The following TOE1 variants were observed in gnomAD, a reference collection of about 807,000 sequenced individuals.
TOE1 encodes target of EGR1, exonuclease, also known as target of EGR1 protein 1.
In TOE1, 50 loss-of-function variants were observed where a neutral mutation model predicts 49.2. That is an observed-to-expected ratio of 1.02 (90% CI 0.81 to 1.29). TOE1 has a LOEUF of 1.29. TOE1 is among the 50% of genes most tolerant of loss of function. The pLI is 0.00. For synonymous variants in TOE1, 221 were observed against 247.0 expected (o/e 0.89, Z 0.99); for missense variants, 544 against 654.4 (o/e 0.83, Z 1.84).
chr1:45,343,189 A>G lies in TOE1; in HGVS notation c.1020A>G (p.Arg340=), dbSNP rs765278404. ...CAGAGGACAAGCGGCGACGGCGACG[A>G]CGTAGGGAAAAACGGAAGAGGGCTT... ...AAAEDKRRRR[R]RREKRKRALL... Residue 340 remains arginine (R), a synonymous_variant, in exon 8 of 8, where the codon CGA becomes CGG. Transcript: ENST00000372090. The surrounding 1 kb of genome is among the most constrained non-coding windows in gnomAD (Gnocchi z 4.3). The G allele has an allele frequency of 5.6e-6, 9 of 1,613,710 alleles. No individual in the cohort carries two copies. Among genetic ancestry groups the G allele is most frequent in the Non-Finnish European group, 7.6e-6 (9 of 1,179,972 alleles).
rs758152987 is a variant in TOE1, at chr1:45,343,072, C to G, written c.913-10C>G. 1 of 1,613,180 alleles carries G rather than the reference C, an allele frequency of 6.2e-7. No homozygotes were observed. The highest frequency in any genetic ancestry group is 8.5e-7 in the Non-Finnish European group (1 of 1,179,506). On this transcript the variant is annotated splice_polypyrimidine_tract_variant and intron_variant, in intron 7 of 7. Transcript: ENST00000372090. This position sits in a 1 kb window ranked among gnomAD's most constrained non-coding sequence, Gnocchi z 4.3. ...TGGAGCCTCTTTCTAAGCCTCTTTC[C>G]CACCCCTAGGCTTATGGCTGGTGCC...
intron 5 of TOE1, 75 bp downstream of exon 5, chr1:45,342,182 C>G: frequency 6.4e-7 from 1 of 1,570,594 alleles, no homozygotes; most frequent in Non-Finnish European, 8.7e-7. Context: ...GGCTGGATGT[C>G]TGGGGAGAAT....
intron 5 of TOE1, 66 bp downstream of exon 5, chr1:45,342,173 G>T (rs1329429674): frequency 5.7e-6 from 9 of 1,578,964 alleles, no homozygotes; most frequent in Non-Finnish European, 7.8e-6. Context: ...CCTACCCTAG[G>T]CTGGATGTCT....
At chr1:45,340,926 T>G in intron 1 of TOE1, 147 bp from the exon 2 acceptor site, 7 of 1,154,094 alleles carry the variant, frequency 6.1e-6, no homozygotes, top group Non-Finnish European at 8.8e-6. Context: ...AAGGCCTGTG[T>G]GTAGAACACG....
At position 45,342,500 on chromosome 1, in the gene TOE1, C is replaced by T. The variant is rs3748647; in HGVS notation, c.609C>T (p.Phe203=). Residue 203 remains phenylalanine, a synonymous_variant, in exon 6 of 8, where the codon TTC becomes TTT. Coordinates refer to ENST00000372090, the MANE Select transcript of TOE1 (RefSeq NM_025077.4). Reference sequence around the variant, plus strand: ...ACTTGGTGTTCCTGTACCAGAACTTCTATGCACACCTCCCTGAGAGTCTGG... The same window carrying T: ...ACTTGGTGTTCCTGTACCAGAACTTTTATGCACACCTCCCTGAGAGTCTGG... ...LIDLVFLYQN[F]YAHLPESLGT... 51 of 1,614,062 alleles carry T rather than the reference C, an allele frequency of 3.2e-5. No individual in the cohort carries two copies. In the East Asian group the frequency reaches 1.1e-3, roughly 35 times the overall value.
intron 4 of TOE1, 54 bp from the exon 5 acceptor site, chr1:45,341,895 C>T: frequency 2.5e-6 from 4 of 1,579,036 alleles, no homozygotes; most frequent in Non-Finnish European, 3.5e-6. Flanking sequence ...GCTTTTGCAT[C>T]CTCCTAGCTT....
chr1:45,340,423 T>C (rs1570596176), intron 1 of TOE1, 119 bp downstream of exon 1: 1 of 1,529,020 alleles, frequency 6.5e-7, no homozygotes, highest in East Asian at 2.5e-5. Flanking sequence ...CCGCCTGAAC[T>C]AGCCACGAGG....
rs747836131 is a variant in TOE1, at chr1:45,342,085, C to T, written c.470C>T (p.Pro157Leu). ...NFNQQYAQGIPYHKGNDKGDE... is the reference protein window; with the variant it reads ...NFNQQYAQGILYHKGNDKGDE... The stretch of plus-strand genomic sequence containing the variant: ...AACCAGCAGTATGCCCAAGGCATCC[C>T]CTACCATAAGGGCAATGACAAGGTA... The change falls in exon 5 of 8, where the codon CCC becomes CTC. Residue 157 changes from proline to leucine, a missense_variant. By Grantham distance (98) the Pro-to-Leu change is moderately conservative (BLOSUM62 -3). Coordinates refer to ENST00000372090, the MANE Select transcript of TOE1 (RefSeq NM_025077.4). 6.2e-7 allele frequency: 1 copy of T among 1,613,920 alleles called. No homozygotes were observed. The highest frequency in any genetic ancestry group is 1.1e-5 in the South Asian group (1 of 91,068).
intron 4 of TOE1, 137 bp downstream of exon 4, chr1:45,341,706 A>C: frequency 1.1e-6 from 1 of 883,858 alleles, no homozygotes; most frequent in African/African-American, 1.7e-5. Context: ...TTTTATTTGA[A>C]TAGGTTTATG....
In TOE1 at chr1:45,343,788, T is replaced by G. The variant is rs1647097065; in HGVS notation, c.*86T>G. On this transcript the variant is annotated 3_prime_UTR_variant, in exon 8 of 8. Coordinates refer to ENST00000372090, the MANE Select transcript of TOE1 (RefSeq NM_025077.4). The surrounding 1 kb of genome is among the most constrained non-coding windows in gnomAD (Gnocchi z 4.3). ...TGTCATCCTCAACTGCTACTGAGTTTAGGGGAGGGGGAATGTCTTGACAGA... is the reference window on the plus strand; with the variant it reads ...TGTCATCCTCAACTGCTACTGAGTTGAGGGGAGGGGGAATGTCTTGACAGA... 2.1e-6 allele frequency: 3 copies of G among 1,457,604 alleles called. No individual in the cohort carries two copies. The Admixed American group carries it at 6.2e-5, about 30-fold the overall frequency. 90.3% of individuals were successfully genotyped at this position (1,457,604 alleles called of 1,614,324 possible). A position where few individuals can be genotyped will look rare whatever the true frequency, so the allele number is the denominator to read the frequency against.
At position 45,343,898 on chromosome 1, in the gene TOE1, C is replaced by A; in HGVS notation, c.*196C>A. 1 of 484,350 alleles carries A rather than the reference C, an allele frequency of 2.1e-6. No homozygotes were observed. The highest frequency in any genetic ancestry group is 3.5e-6 in the Non-Finnish European group (1 of 282,228). 30.0% of individuals were successfully genotyped at this position (484,350 alleles called of 1,614,324 possible). ...GGCTGACCAGCACCTGTAACACTGACTTTATTTTTAAGTCTGAAAATGTCT... is the reference window on the plus strand; with the variant it reads ...GGCTGACCAGCACCTGTAACACTGAATTTATTTTTAAGTCTGAAAATGTCT... On this transcript the variant is annotated 3_prime_UTR_variant, in exon 8 of 8. Transcript: ENST00000372090. This position sits in a 1 kb window ranked among gnomAD's most constrained non-coding sequence, Gnocchi z 4.3.
At position 45,341,070 on chromosome 1, in the gene TOE1, C is replaced by A. The variant is rs765015040; in HGVS notation, c.53-3C>A. The stretch of plus-strand genomic sequence containing the variant: ...GAACATCCATCACCCTCCTAACCCC[C>A]AGGTGGTGTCAGCAAAAGCACAACA... On this transcript the variant is annotated splice_polypyrimidine_tract_variant and splice_region_variant and intron_variant, in intron 1 of 7. Coordinates refer to ENST00000372090, the MANE Select transcript of TOE1 (RefSeq NM_025077.4). 2 of 1,614,100 alleles carry A rather than the reference C, an allele frequency of 1.2e-6. No individual in the cohort carries two copies. The highest frequency in any genetic ancestry group is 8.5e-7 in the Non-Finnish European group (1 of 1,180,042).
intron 3 of TOE1, 42 bp from the exon 4 acceptor site, chr1:45,341,431 G>C: frequency 1.2e-6 from 2 of 1,614,034 alleles, no homozygotes; most frequent in Non-Finnish European, 1.7e-6. Flanking sequence ...TCCTTCATAA[G>C]GCTAACTCCT....
In TOE1 at chr1:45,343,624, C is replaced by T. The variant is rs548558117; in HGVS notation, c.1455C>T (p.Leu485=). ...ATTTGAGTGGCAAAGCTGTACCCCT[C>T]ACAGTGGCCAAGAGCCAGTTCTCTC... The part of the protein sequence containing the change: ...KVYLSGKAVP[L]TVAKSQFSRS... The change falls in exon 8 of 8, where the codon CTC becomes CTT. Residue 485 remains leucine, a synonymous_variant. Transcript: ENST00000372090. The surrounding 1 kb of genome is among the most constrained non-coding windows in gnomAD (Gnocchi z 4.3). 3 of 1,614,136 alleles carry T rather than the reference C, an allele frequency of 1.9e-6. No individual in the cohort carries two copies. The highest frequency in any genetic ancestry group is 2.2e-5 in the East Asian group (1 of 44,884).
intron 4 of TOE1, 134 bp downstream of exon 4, chr1:45,341,703 TGAA>T: frequency 1.1e-6 from 1 of 899,870 alleles, no homozygotes; most frequent in Non-Finnish European, 1.7e-6. Context: ...TTTTTTTATT[TGAA>T]TAGGTTTATG....
rs1647085627 is a variant in TOE1 at position 45,343,396 on chromosome 1, A to G, written c.1227A>G (p.Ala409=). The change falls in exon 8 of 8, where the codon GCA becomes GCG. Residue 409 remains alanine, a synonymous_variant. Coordinates refer to ENST00000372090, the MANE Select transcript of TOE1 (RefSeq NM_025077.4). This position sits in a 1 kb window ranked among gnomAD's most constrained non-coding sequence, Gnocchi z 4.3. ...ATGACTTAGAGATGGGGATTAAGGC[A>G]GCAAGGCCTGAAATAGCTGATAGAG... The part of the protein sequence containing the change: ...NKNDLEMGIK[A]ARPEIADRAT... 2 of 1,614,044 alleles carry G rather than the reference A, an allele frequency of 1.2e-6. No homozygotes were observed. The highest frequency in any genetic ancestry group is 1.3e-5 in the African/African-American group (1 of 74,914).
intron 6 of TOE1, 41 bp from the exon 7 acceptor site, chr1:45,342,802 C>G (rs759069142): frequency 6.2e-7 from 1 of 1,613,042 alleles, no homozygotes; most frequent in South Asian, 1.1e-5. Context: ...TCTTATGGAG[C>G]TTATATGCTA....
At chr1:45,341,279 A>T in intron 2 of TOE1, 24 bp from the exon 3 acceptor site, 1 of 1,614,176 alleles carries the variant, frequency 6.2e-7, no homozygotes, top group Non-Finnish European at 8.5e-7. Flanking sequence ...GGCCTGTCAC[A>T]ACTCTCCCTT....
intron 4 of TOE1, 140 bp from the exon 5 acceptor site, chr1:45,341,809 A>G (rs1647004206): frequency 2.6e-5 from 24 of 919,430 alleles, no homozygotes; most frequent in South Asian, 1.9e-4. Flanking sequence ...ACTGTGCCCA[A>G]TGCGTAGTCT....
Sources: gnomAD v4.1 joint callset for allele counts on GRCh38, gnomAD v4.1.1 for gene constraint, Gnocchi (gnomAD v3.1) non-coding constraint, MANE v1.5 for transcripts, NCBI Gene and HGNC (gene_info 2026-07-23, HGNC 2026-07-21) for gene names.